Variants in MON2 observed in about 807,000 individuals in gnomAD.
MON2 encodes the protein MON2 regulator of endosome-to-Golgi trafficking.
MON2 carries 84 observed loss-of-function variants against 208.6 expected under a neutral mutation model. The observed-to-expected ratio is 0.40, with a 90% CI of 0.34 to 0.48. MON2 has a LOEUF of 0.48. Ranked by LOEUF, MON2 falls within the 20% of genes least tolerant of loss-of-function variation. MON2 has a pLI of 0.59. For synonymous variants in MON2, 660 were observed against 694.0 expected (o/e 0.95, Z 0.77); for missense variants, 1,611 against 2,015.4 (o/e 0.80, Z 3.84).
intron 22 of MON2, 101 bp from the exon 23 acceptor site, chr12:62,549,567 G>T: frequency 9.9e-7 from 1 of 1,007,616 alleles, no homozygotes; most frequent in Non-Finnish European, 1.4e-6. Flanking sequence ...AGGCATGATC[G>T]CACCACTGCA....
In MON2 at chr12:62,508,489, T is replaced by C. The variant is rs1319889083; in HGVS notation, c.984+9T>C. On this transcript the variant is annotated intron_variant, in intron 8 of 34. Coordinates refer to ENST00000393630, the MANE Select transcript of MON2 (RefSeq NM_015026.3). ...AGTTTTACAGTCTTTTGGTAAGTGC[T>C]AATTTCCTTATGTATTTGTGTATAT... is the stretch of plus-strand genomic sequence containing the variant. 1 of 1,609,432 alleles carries C rather than the reference T, an allele frequency of 6.2e-7. No individual in the cohort carries two copies. The highest frequency in any genetic ancestry group is 8.5e-7 in the Non-Finnish European group (1 of 1,175,880).
rs1385460658 is a variant in MON2 at position 62,596,823 on chromosome 12, C to T, written c.*4074C>T. On this transcript the variant is annotated 3_prime_UTR_variant, in exon 35 of 35. Transcript: ENST00000393630. ...AGAAAGAGAGATGATATCTTTGTATCTTGATTTATATACAGACCATTTCAG... is the reference window on the plus strand; with the variant it reads ...AGAAAGAGAGATGATATCTTTGTATTTTGATTTATATACAGACCATTTCAG... 1 of 152,134 alleles carries T rather than the reference C, an allele frequency of 6.6e-6. No homozygotes were observed. The allele number at this position is 152,134 out of a possible 1,614,324, so 9.4% of individuals were successfully genotyped here.
intron 14 of MON2, among the ~76,000 whole-genome samples, chr12:62,536,544 A>G (rs995420491): frequency 2.6e-5 from 4 of 152,166 alleles, no homozygotes; most frequent in African/African-American, 9.7e-5. Context: ...CCAGGGATAC[A>G]TGTTTAAAAT....
chr12:62,565,510 C>A, intron 27 of MON2, 130 bp downstream of exon 27: 1 of 805,038 alleles, frequency 1.2e-6, no homozygotes. Flanking sequence ...TTATACATGT[C>A]TGTTAGCAGT....
In MON2 at chr12:62,596,702, A is replaced by G. The variant is rs1485551307; in HGVS notation, c.*3953A>G. On this transcript the variant is annotated 3_prime_UTR_variant, in exon 35 of 35. Transcript: ENST00000393630. ...TTTACCAATTTATATAAAGTGGGAA[A>G]AGTCTTTAATACTTCATGATCACTT... The G allele has an allele frequency of 6.6e-6, 1 of 152,232 alleles. No homozygotes were observed. The highest frequency in any genetic ancestry group is 1.5e-5 in the Non-Finnish European group (1 of 68,034). The allele number at this position is 152,232 out of a possible 1,614,324, so 9.4% of individuals were successfully genotyped here. A position where few individuals can be genotyped will look rare whatever the true frequency, so the allele number is the denominator to read the frequency against.
chr12:62,515,751 G>A (rs186027972), intron 8 of MON2, among the ~76,000 whole-genome samples: 6 of 151,414 alleles, frequency 4.0e-5, no homozygotes, highest in East Asian at 1.9e-4. Context: ...GGAGGCAGAC[G>A]TTGCAGTGAA....
chr12:62,559,697 G>T (rs1196935788), intron 25 of MON2, among the ~76,000 whole-genome samples: 1 of 151,424 alleles, frequency 6.6e-6, no homozygotes, highest in African/African-American at 2.4e-5. Context: ...TGAGGTGGGA[G>T]AATCACTTGA....
intron 32 of MON2, among the ~76,000 whole-genome samples, chr12:62,584,705 CAAAAAAAAAAAA>C (rs1226172058): frequency 1.4e-5 from 1 of 71,376 alleles, no homozygotes; most frequent in South Asian, 5.6e-4. Context: ...TCTGTCTCAA[CAAAAAAAAAAAA>C]AAAAAAAAAA....
intron 19 of MON2, among the ~76,000 whole-genome samples, chr12:62,541,731 G>GT (rs956681313): frequency 3.9e-5 from 6 of 152,156 alleles, no homozygotes; most frequent in East Asian, 1.9e-4. Flanking sequence ...CAGCTGTGTA[G>GT]TTTTTTAAAA....
At position 62,492,432 on chromosome 12, in the gene MON2, C is replaced by T. The variant is rs2070204569; in HGVS notation, c.176-1483C>T. On this transcript the variant is annotated intron_variant, in intron 2 of 34. Transcript: ENST00000393630. ...CAGGCCGGACTGCGGACTGCGGTGG[C>T]GCAATCTCGGCTCACTGCAAGCTCC... Among the ~76,000 whole-genome samples, 3 of 134,118 alleles carry T rather than the reference C, an allele frequency of 2.2e-5. 1 individual carries two copies. In the South Asian group the frequency reaches 6.8e-4, roughly 31 times the overall value. The allele number at this position is 134,118 out of a possible 152,430, so 88.0% of individuals were successfully genotyped here. A position where few individuals can be genotyped will look rare whatever the true frequency, so the allele number is the denominator to read the frequency against.
At chr12:62,558,783 T>TGCTA (rs2136337682) in intron 25 of MON2, among the ~76,000 whole-genome samples, 1 of 150,468 alleles carries the variant, frequency 6.6e-6, no homozygotes, top group East Asian at 2.0e-4. Flanking sequence ...CTGAAACCTC[T>TGCTA]GCCTCCTAGG....
intron 2 of MON2, among the ~76,000 whole-genome samples, chr12:62,489,698 A>G (rs1188190105): frequency 4.6e-5 from 7 of 152,090 alleles, no homozygotes; most frequent in Admixed American, 4.6e-4. Context: ...CAATTGAACC[A>G]ACATCATTTG....
chr12:62,520,900 C>T (rs1329367058), intron 8 of MON2, among the ~76,000 whole-genome samples: 7 of 135,640 alleles, frequency 5.2e-5, no homozygotes, highest in Non-Finnish European at 9.3e-5. Flanking sequence ...TTTGAGACTC[C>T]ATCTCAAAAA....
At chr12:62,511,469 G>A (rs1275659006) in intron 8 of MON2, among the ~76,000 whole-genome samples, 1 of 152,166 alleles carries the variant, frequency 6.6e-6, no homozygotes, top group Non-Finnish European at 1.5e-5. Context: ...CATATATATG[G>A]TCAAGTGATC....
At chr12:62,497,679 A>G (rs1178218425) in intron 4 of MON2, among the ~76,000 whole-genome samples, 5 of 151,986 alleles carry the variant, frequency 3.3e-5, no homozygotes, top group East Asian at 3.9e-4. Flanking sequence ...CAGTGGCGCA[A>G]TTTTGGCTCA....
At chr12:62,580,086 A>G (rs2074948444) in intron 31 of MON2, among the ~76,000 whole-genome samples, 1 of 152,212 alleles carries the variant, frequency 6.6e-6, no homozygotes, top group South Asian at 2.1e-4. Context: ...CAGTTATGGT[A>G]CTGACTATTT....
At chr12:62,487,270 A>G (rs373389174) in intron 2 of MON2, among the ~76,000 whole-genome samples, 16 of 152,262 alleles carry the variant, frequency 1.1e-4, no homozygotes, top group East Asian at 7.7e-4. Context: ...TATGAATATT[A>G]TATATTACAA....
At chr12:62,538,674 C>G (rs2073094180) in intron 19 of MON2, among the ~76,000 whole-genome samples, 169 bp downstream of exon 19, 1 of 152,054 alleles carries the variant, frequency 6.6e-6, no homozygotes, top group Non-Finnish European at 1.5e-5. Flanking sequence ...GTAAAAAGGA[C>G]ATGATTTGGC....
chr12:62,515,958 T>C (rs2071666819), intron 8 of MON2, among the ~76,000 whole-genome samples: 1 of 152,200 alleles, frequency 6.6e-6, no homozygotes, highest in South Asian at 2.1e-4. Context: ...TTGAAAAGAT[T>C]CCTGCACTCC....
Sources: allele counts gnomAD v4.1 joint callset (sites outside exome capture counted in the v4.1 genomes callset), GRCh38; gene constraint gnomAD v4.1.1; transcripts MANE v1.5; gene names NCBI Gene and HGNC (gene_info 2026-07-23, HGNC 2026-07-21).